The following LIPI variants were observed in gnomAD, a reference collection of about 807,000 sequenced individuals.
The protein encoded by LIPI is lipase I.
In LIPI, 59 loss-of-function variants were observed where a neutral mutation model predicts 50.6. The observed-to-expected ratio is 1.16, with a 90% CI of 0.94 to 1.45. LIPI has a LOEUF of 1.45. LIPI is among the 40% of genes most tolerant of loss of function. The pLI is 0.00. For synonymous variants in LIPI, 203 were observed against 178.2 expected (o/e 1.14, Z -1.11); for missense variants, 586 against 536.3 (o/e 1.09, Z -0.92).
intron 1 of LIPI, among the ~76,000 whole-genome samples, chr21:14,198,013 G>A (rs1252321627): frequency 6.6e-6 from 1 of 151,924 alleles, no homozygotes; most frequent in African/African-American, 2.4e-5. Flanking sequence ...TCATATCTGG[G>A]CAAACTAAGC....
intron 1 of LIPI, among the ~76,000 whole-genome samples, chr21:14,203,826 T>C (rs1039274226): frequency 6.7e-6 from 1 of 149,048 alleles, no homozygotes; most frequent in African/African-American, 2.5e-5. Context: ...GTTGTGCACA[T>C]GTACCCTAAA....
At chr21:14,193,352 A>G (rs1389958017) in intron 1 of LIPI, among the ~76,000 whole-genome samples, 1 of 152,174 alleles carries the variant, frequency 6.6e-6, no homozygotes, top group Non-Finnish European at 1.5e-5. Flanking sequence ...GCTTTAAGAC[A>G]TACAGAAAAC....
intron 4 of LIPI, among the ~76,000 whole-genome samples, chr21:14,172,963 T>C (rs1164537838): frequency 6.6e-6 from 1 of 152,076 alleles, no homozygotes; most frequent in African/African-American, 2.4e-5. Flanking sequence ...AACAAGTAAA[T>C]ACAGAGTATG....
chr21:14,172,218 C>T (rs1401170387), intron 4 of LIPI, among the ~76,000 whole-genome samples: 3 of 150,514 alleles, frequency 2.0e-5, no homozygotes, highest in African/African-American at 4.9e-5. Flanking sequence ...CAGGAAACAA[C>T]AGGTGCTGGA....
intron 4 of LIPI, among the ~76,000 whole-genome samples, chr21:14,168,301 T>A (rs1194751232): frequency 6.6e-6 from 1 of 152,114 alleles, no homozygotes; most frequent in Non-Finnish European, 1.5e-5. Context: ...CAAGATATTA[T>A]CCAGGAGGAC....
chr21:14,135,938 G>A (rs2017482393), intron 9 of LIPI, among the ~76,000 whole-genome samples: 1 of 152,172 alleles, frequency 6.6e-6, no homozygotes, highest in Admixed American at 6.5e-5. Flanking sequence ...TAAAGGTGGG[G>A]AGGACTTTGT....
rs185390988 is a variant in LIPI at position 14,152,402 on chromosome 21, C to T, written c.1118+171G>A. Among the ~76,000 whole-genome samples the T allele has an allele frequency of 1.1e-4, 17 of 152,154 alleles. No individual in the cohort carries two copies. The East Asian group carries it at 3.3e-3, about 29-fold the overall frequency. On this transcript the variant is annotated intron_variant, in intron 8 of 9. Transcript: ENST00000681601. ...CCTCTTTAACATATGTTATCTTTCTCTGTAAAATAAAGGAATTAGAATATA... is the reference window on the plus strand; with the variant it reads ...CCTCTTTAACATATGTTATCTTTCTTTGTAAAATAAAGGAATTAGAATATA...
chr21:14,130,532 T>G (rs2017253009), intron 9 of LIPI, among the ~76,000 whole-genome samples: 2 of 152,190 alleles, frequency 1.3e-5, no homozygotes, highest in African/African-American at 4.8e-5. Flanking sequence ...AGACCAAGAC[T>G]TGAACAGACT....
chr21:14,161,490 A>G (rs1244871782), intron 7 of LIPI, among the ~76,000 whole-genome samples: 1 of 136,266 alleles, frequency 7.3e-6, no homozygotes, highest in Non-Finnish European at 1.5e-5. Context: ...TAGATCTAAT[A>G]TATAGATATC....
intron 9 of LIPI, among the ~76,000 whole-genome samples, chr21:14,126,786 G>A (rs2017084157): frequency 6.6e-6 from 1 of 152,154 alleles, no homozygotes; most frequent in African/African-American, 2.4e-5. Context: ...CAGATACTGA[G>A]GAGCAACTCT....
chr21:14,204,896 G>T (rs962295685), intron 1 of LIPI, among the ~76,000 whole-genome samples: 1 of 151,734 alleles, frequency 6.6e-6, no homozygotes, highest in Non-Finnish European at 1.5e-5. Flanking sequence ...GAAGCCAATA[G>T]ATTTCATAGC....
intron 4 of LIPI, among the ~76,000 whole-genome samples, chr21:14,173,451 C>T (rs1284800400): frequency 6.6e-6 from 1 of 152,090 alleles, no homozygotes; most frequent in Admixed American, 6.5e-5. Context: ...AGATTCTGAG[C>T]CCATTACCGG....
intron 9 of LIPI, among the ~76,000 whole-genome samples, chr21:14,119,825 C>T (rs748153904): frequency 6.6e-6 from 1 of 152,088 alleles, no homozygotes; most frequent in Non-Finnish European, 1.5e-5. Flanking sequence ...GGATGGCCAC[C>T]CTGTTTCAAG....
At chr21:14,167,459 A>AC (rs2018731428) in intron 4 of LIPI, among the ~76,000 whole-genome samples, 1 of 151,966 alleles carries the variant, frequency 6.6e-6, no homozygotes, top group Non-Finnish European at 1.5e-5. Flanking sequence ...ACTGGGAGGC[A>AC]CCCCCCAGTA....
At position 14,189,399 on chromosome 21, in the gene LIPI, C is replaced by G. The variant is rs2019582912; in HGVS notation, c.67G>C (p.Glu23Gln). The G allele has an allele frequency of 1.9e-6, 3 of 1,612,756 alleles. No individual in the cohort carries two copies. Among genetic ancestry groups the G allele is most frequent in the Non-Finnish European group, 2.5e-6 (3 of 1,179,036 alleles). Reference protein sequence around the residue: ...VRSDNKRPCLEFSQLSVKDSF... With the variant: ...VRSDNKRPCLQFSQLSVKDSF... ...TCCTTTACACTTAGCTGAGAGAATT[C>G]AAGGCATGGTCTTTTATTATCTGAA... The change falls in exon 2 of 10, where the codon GAA (glutamate) becomes CAA (glutamine). Residue 23 changes from glutamate to glutamine, a missense_variant. By Grantham distance (29) the Glu-to-Gln change is conservative. Coordinates refer to ENST00000681601, the MANE Select transcript of LIPI (RefSeq NM_001302998.2).
intron 9 of LIPI, among the ~76,000 whole-genome samples, chr21:14,125,987 C>T (rs1485661426): frequency 2.6e-5 from 4 of 151,862 alleles, no homozygotes; most frequent in East Asian, 3.9e-4. Flanking sequence ...AATGAGATAC[C>T]TCTACACACC....
At chr21:14,152,908 G>T (rs977380552) in intron 7 of LIPI, among the ~76,000 whole-genome samples, 1 of 152,034 alleles carries the variant, frequency 6.6e-6, no homozygotes, top group Non-Finnish European at 1.5e-5. Flanking sequence ...AGATGAAAAA[G>T]CCTGCCAGCC....
At chr21:14,166,662 T>G (rs906026816) in intron 4 of LIPI, among the ~76,000 whole-genome samples, 5 of 152,232 alleles carry the variant, frequency 3.3e-5, no homozygotes, top group African/African-American at 1.2e-4. Context: ...AGTCAGCAGT[T>G]TACTATCGGT....
At chr21:14,158,638 TAG>T (rs753748723) in intron 7 of LIPI, among the ~76,000 whole-genome samples, 1 of 148,028 alleles carries the variant, frequency 6.8e-6, no homozygotes, top group African/African-American at 2.5e-5. Flanking sequence ...AATATATATA[TAG>T]AGAGAGAACA....
Sources: gnomAD v4.1 joint callset for allele counts (sites outside exome capture counted in the v4.1 genomes callset) on GRCh38, gnomAD v4.1.1 for gene constraint, MANE v1.5 for transcripts, NCBI Gene and HGNC (gene_info 2026-07-23, HGNC 2026-07-21) for gene names.